Variants in LRRC37A2 observed in about 807,000 individuals in gnomAD.
The protein encoded by LRRC37A2 is leucine rich repeat containing 37 member A2, also known as leucine-rich repeat-containing protein 37A2.
Under a neutral mutation model 68.8 loss-of-function variants are expected in LRRC37A2, and 9 were observed. That is an observed-to-expected ratio of 0.13 (90% CI 0.08 to 0.23). LRRC37A2 has a LOEUF of 0.23. Among genes scored for constraint, LRRC37A2 ranks in the 10% least tolerant of loss-of-function variants. The pLI is 1.00. For synonymous variants in LRRC37A2, 63 were observed against 367.6 expected (o/e 0.17, Z 9.48); for missense variants, 168 against 950.4 (o/e 0.18, Z 10.82).
the LRRC37A2 span, among the ~76,000 whole-genome samples, chr17:46,806,942 G>A: frequency 5.3e-5 from 8 of 152,186 alleles, no homozygotes; most frequent in African/African-American, 7.2e-5. Context: ...TGGGCACTCC[G>A]TCACCTGTGG....
chr17:46,846,292 A>T, the LRRC37A2 span, among the ~76,000 whole-genome samples: 1 of 152,188 alleles, frequency 6.6e-6, no homozygotes, highest in East Asian at 1.9e-4. Context: ...CCACAGTCCA[A>T]TGTTTATTCA....
the LRRC37A2 span, among the ~76,000 whole-genome samples, chr17:46,745,454 C>G: frequency 6.6e-6 from 1 of 152,198 alleles, no homozygotes; most frequent in Non-Finnish European, 1.5e-5. Flanking sequence ...ATTAGCGTCT[C>G]CAGTATGGTT....
the LRRC37A2 span, chr17:46,851,586 T>TGCGAGCTTGAGCG: frequency 9.4e-7 from 1 of 1,059,896 alleles, no homozygotes; most frequent in East Asian, 3.5e-5. The surrounding 1 kb of genome is among the most constrained non-coding windows in gnomAD (Gnocchi z 4.3). Context: ...GTGGCGGAGC[T>TGCGAGCTTGAGCG]GCGAGCTTGA....
chr17:46,497,440 C>G, the LRRC37A2 span, among the ~76,000 whole-genome samples: 1 of 139,258 alleles, frequency 7.2e-6, no homozygotes, highest in South Asian at 2.2e-4. Flanking sequence ...TATTAATTGG[C>G]TTTTGGTTAT....
At chr17:46,525,597 A>AAT (rs2052604600) in intron 6 of LRRC37A2, among the ~76,000 whole-genome samples, 10 of 73,532 alleles carry the variant, frequency 1.4e-4, no homozygotes, top group African/African-American at 3.8e-4. Context: ...AAATAATAAT[A>AAT]ATAATATAAT....
chr17:46,936,378 G>T, the LRRC37A2 span: 7 of 985,282 alleles, frequency 7.1e-6, no homozygotes, highest in South Asian at 3.3e-4. Context: ...GCAGCGCTGG[G>T]GCATCAGCAC....
At chr17:46,753,150 TGTGTTACTAG>T in the LRRC37A2 span, among the ~76,000 whole-genome samples, 5 of 152,212 alleles carry the variant, frequency 3.3e-5, no homozygotes, top group South Asian at 2.1e-4. Context: ...CTAGGCATCA[TGTGTTACTAG>T]GTGTTACTAG....
At chr17:46,906,414 A>T in the LRRC37A2 span, among the ~76,000 whole-genome samples, 4 of 152,234 alleles carry the variant, frequency 2.6e-5, 1 homozygote, top group Non-Finnish European at 5.9e-5. Context: ...ATTTTATTTT[A>T]AAAATTAAAT....
At chr17:46,858,147 C>G in the LRRC37A2 span, among the ~76,000 whole-genome samples, 2 of 152,182 alleles carry the variant, frequency 1.3e-5, no homozygotes, top group East Asian at 3.8e-4. Context: ...CCTGGCTGGT[C>G]TTGAACTCCT....
the LRRC37A2 span, among the ~76,000 whole-genome samples, chr17:46,919,007 C>T: frequency 6.6e-6 from 1 of 152,168 alleles, no homozygotes; most frequent in Non-Finnish European, 1.5e-5. Context: ...CTTGTCATCC[C>T]ACAGTTCCCA....
the LRRC37A2 span, among the ~76,000 whole-genome samples, chr17:46,946,282 CAAAAA>C: frequency 0.013 from 1,628 of 126,730 alleles, 20 homozygotes; most frequent in Non-Finnish European, 0.02. Context: ...CTAAAAATAC[CAAAAA>C]AAAAAAAAAA....
the LRRC37A2 span, among the ~76,000 whole-genome samples, chr17:46,884,557 A>G: frequency 6.6e-6 from 1 of 152,196 alleles, no homozygotes; most frequent in Admixed American, 6.5e-5. Context: ...TGGTAAATGA[A>G]GTTGCTGCTC....
intron 8 of LRRC37A2, among the ~76,000 whole-genome samples, chr17:46,543,768 GC>G (rs2055854908): frequency 6.6e-6 from 1 of 150,916 alleles, no homozygotes; most frequent in African/African-American, 2.5e-5. Flanking sequence ...ATGTTTCCCA[GC>G]CATCCTAAGG....
At chr17:46,785,027 T>C in the LRRC37A2 span, among the ~76,000 whole-genome samples, 11 of 152,166 alleles carry the variant, frequency 7.2e-5, no homozygotes, top group Admixed American at 5.9e-4. Flanking sequence ...TCTGCCCGCC[T>C]TGGCCTCCCA....
the LRRC37A2 span, among the ~76,000 whole-genome samples, chr17:46,844,892 G>A: frequency 6.6e-6 from 1 of 151,700 alleles, no homozygotes; most frequent in East Asian, 1.9e-4. Context: ...GTTGCCCCAG[G>A]GCTGGAGTGC....
At chr17:46,502,969 T>C in the LRRC37A2 span, among the ~76,000 whole-genome samples, 1 of 150,586 alleles carries the variant, frequency 6.6e-6, no homozygotes, top group African/African-American at 2.5e-5. Flanking sequence ...TCCCAGCACT[T>C]TGGGAGGCTG....
chr17:46,905,895 C>T, the LRRC37A2 span, among the ~76,000 whole-genome samples: 1 of 151,988 alleles, frequency 6.6e-6, no homozygotes, highest in Admixed American at 6.6e-5. Flanking sequence ...CTCAAAGGGA[C>T]CTGCCCCAGT....
At chr17:46,849,918 G>A in the LRRC37A2 span, among the ~76,000 whole-genome samples, 1 of 149,812 alleles carries the variant, frequency 6.7e-6, no homozygotes, top group Non-Finnish European at 1.5e-5. Context: ...CGTGATTTCG[G>A]CTCACTGCAA....
chr17:46,933,504 A>G, the LRRC37A2 span: 1 of 152,228 alleles, frequency 6.6e-6, no homozygotes. Context: ...ACTAGGAGTA[A>G]AGCACATGAT....
Sources: allele counts gnomAD v4.1 joint callset (sites outside exome capture counted in the v4.1 genomes callset), GRCh38; gene constraint gnomAD v4.1.1; non-coding constraint Gnocchi (gnomAD v3.1); transcripts MANE v1.5; gene names NCBI Gene and HGNC (gene_info 2026-07-23, HGNC 2026-07-21).